FRRS1L: variants seen among roughly 807,000 people sequenced by gnomAD.
FRRS1L encodes DOMON domain-containing protein FRRS1L.
In FRRS1L, 22 loss-of-function variants were observed where a neutral mutation model predicts 28.6. The observed-to-expected ratio is 0.77, with a 90% confidence interval of 0.55 to 1.10. FRRS1L has a LOEUF of 1.10. FRRS1L is among the 50% of genes least tolerant of loss of function. The probability of loss-of-function intolerance (pLI) is 0.00; values close to 1 mark genes in which losing one functional copy is unlikely to be tolerated. For synonymous variants in FRRS1L, 158 were observed against 151.4 expected (o/e 1.04, Z -0.32); for missense variants, 380 against 386.9 (o/e 0.98, Z 0.15).
chr9:109,142,137 T>C (rs1393078056), intron 3 of FRRS1L, among the ~76,000 whole-genome samples: 1 of 152,178 alleles, frequency 6.6e-6, no homozygotes, highest in African/African-American at 2.4e-5. Flanking sequence ...ATATCAATGT[T>C]AAACTTCCTG....
At chr9:109,154,880 T>C (rs1831384426) in intron 1 of FRRS1L, among the ~76,000 whole-genome samples, 1 of 152,236 alleles carries the variant, frequency 6.6e-6, no homozygotes, top group Non-Finnish European at 1.5e-5. Flanking sequence ...AAGGTTCTCA[T>C]CTCAGTCCAT....
chr9:109,138,810 G>C (rs774469089), intron 4 of FRRS1L: 3 of 152,292 alleles, frequency 2.0e-5, no homozygotes, highest in Non-Finnish European at 4.4e-5. Flanking sequence ...TGCCTTCTTT[G>C]AGTGAAATCC....
chr9:109,152,532 T>C (rs1216403247), intron 1 of FRRS1L, among the ~76,000 whole-genome samples: 3 of 150,820 alleles, frequency 2.0e-5, no homozygotes, highest in East Asian at 2.0e-4. Context: ...CAGCTGGGCA[T>C]GGTGGCTCAC....
At position 109,141,485 on chromosome 9, in the gene FRRS1L, AG is replaced by A. The variant is rs1831184766; in HGVS notation, c.566del (p.Pro189LeufsTer22). ...GQWAKEIQRN[P>X]ARDEEGVFEN... Reference sequence around the variant, plus strand: ...CAAAAACTCCTTCTTCATCTCTGGCAGGGTTTCTCTGAATCTCCTTTGCCCA... The same window carrying A: ...CAAAAACTCCTTCTTCATCTCTGGCAGGTTTCTCTGAATCTCCTTTGCCCA... On this transcript the variant is annotated frameshift_variant, in exon 4 of 5. Transcript: ENST00000561981. LOFTEE classifies it high-confidence loss of function. 37 of 1,614,168 alleles carry A rather than the reference AG, an allele frequency of 2.3e-5. No homozygotes were observed. The highest frequency in any genetic ancestry group is 3.1e-5 in the Non-Finnish European group (36 of 1,180,028).
Position 109,133,571 on chromosome 9 carries a change from G to A in FRRS1L, c.*3884C>T, listed in dbSNP as rs1454186432. The A allele has an allele frequency of 6.6e-6, 1 of 152,228 alleles. No homozygotes were observed. The highest frequency in any genetic ancestry group is 2.4e-5 in the African/African-American group (1 of 41,462). 9.4% of individuals were successfully genotyped at this position (152,228 alleles called of 1,614,324 possible). A position where few individuals can be genotyped will look rare whatever the true frequency, so the allele number is the denominator to read the frequency against. ...CTTCAGCTGCACCTCTGTAAAATAA[G>A]AGCATTGGATTAAATGGTCTCTAAA... On this transcript the variant is annotated 3_prime_UTR_variant, in exon 5 of 5. Coordinates refer to ENST00000561981, the MANE Select transcript of FRRS1L (RefSeq NM_014334.4).
In FRRS1L at chr9:109,147,368, C is replaced by A; in HGVS notation, c.324-179G>T. On this transcript the variant is annotated intron_variant, in intron 2 of 4. Transcript: ENST00000561981. ...TAGGAGGAACCTTAGAGATGATCTG[C>A]CCCACTTTGTACACAAGAACTGCAG... 5.1e-6 allele frequency: 3 copies of A among 584,842 alleles called. No individual in the cohort carries two copies. In the South Asian group the frequency reaches 6.6e-5, roughly 13 times the overall value. The allele number at this position is 584,842 out of a possible 1,614,324, so 36.2% of individuals were successfully genotyped here.
intron 2 of FRRS1L, among the ~76,000 whole-genome samples, chr9:109,149,386 G>A (rs1203779710): frequency 6.6e-6 from 1 of 152,186 alleles, no homozygotes; most frequent in African/African-American, 2.4e-5. Context: ...GTGAGTAGGA[G>A]ACACCTGGAG....
chr9:109,141,997 C>T (rs1403453027), intron 3 of FRRS1L, among the ~76,000 whole-genome samples: 1 of 146,398 alleles, frequency 6.8e-6, no homozygotes, highest in Non-Finnish European at 1.5e-5. Context: ...TCAAAATATA[C>T]ATGACAACAA....
At chr9:109,162,867 G>C (rs887562139) in intron 1 of FRRS1L, among the ~76,000 whole-genome samples, 32 of 152,192 alleles carry the variant, frequency 2.1e-4, no homozygotes, top group African/African-American at 7.5e-4. Flanking sequence ...GAAAAATTGT[G>C]ATCAGAACTC....
intron 1 of FRRS1L, among the ~76,000 whole-genome samples, chr9:109,155,542 T>C (rs1010177666): frequency 1.3e-5 from 2 of 151,892 alleles, no homozygotes; most frequent in African/African-American, 2.4e-5. Flanking sequence ...GGTGAAACCC[T>C]GTTTCTACTA....
chr9:109,157,050 G>C (rs961173375), intron 1 of FRRS1L, among the ~76,000 whole-genome samples: 1 of 152,152 alleles, frequency 6.6e-6, no homozygotes, highest in Admixed American at 6.5e-5. Flanking sequence ...ATTCACGCCA[G>C]ATATTTTGAC....
chr9:109,156,546 G>A (rs765096743), intron 1 of FRRS1L, among the ~76,000 whole-genome samples: 5 of 151,878 alleles, frequency 3.3e-5, no homozygotes, highest in East Asian at 3.9e-4. Flanking sequence ...GGACCACCAC[G>A]CCCGGCTAAT....
intron 1 of FRRS1L, among the ~76,000 whole-genome samples, chr9:109,165,263 T>C (rs766204998): frequency 1.4e-4 from 22 of 152,354 alleles, no homozygotes; most frequent in Non-Finnish European, 2.4e-4. Context: ...GTAACTATGT[T>C]TTTGCCAAAG....
intron 3 of FRRS1L, among the ~76,000 whole-genome samples, chr9:109,142,853 T>C (rs1339284602): frequency 6.6e-6 from 1 of 151,456 alleles, no homozygotes; most frequent in Non-Finnish European, 1.5e-5. Flanking sequence ...AAAAATAAAA[T>C]GGTTAATTTT....
chr9:109,153,360 C>A (rs1001543204), intron 1 of FRRS1L, among the ~76,000 whole-genome samples: 2 of 152,094 alleles, frequency 1.3e-5, no homozygotes, highest in African/African-American at 4.8e-5. Flanking sequence ...TAGTGAGACC[C>A]CAATAAAAAC....
chr9:109,145,771 G>C (rs190750869), intron 3 of FRRS1L, among the ~76,000 whole-genome samples: 22 of 152,166 alleles, frequency 1.4e-4, no homozygotes, highest in Admixed American at 7.2e-4. Flanking sequence ...TTGCTGAACA[G>C]ATGGAGGTGC....
rs1238643085 is a variant in FRRS1L at position 109,137,487 on chromosome 9, G to A, written c.850C>T (p.Leu284=). 1 of 1,612,606 alleles carries A rather than the reference G, an allele frequency of 6.2e-7. No individual in the cohort carries two copies. The highest frequency in any genetic ancestry group is 1.1e-5 in the South Asian group (1 of 90,832). ...SPFCLLLIVA[L]TFYLLMGTP ...GTTCCCATCAATAGGTAGAAGGTCA[G>A]AGCAACAATCAGAAGCAAACAAAAT... Residue 284 remains leucine (L), a synonymous_variant, in exon 5 of 5, where the codon CTG becomes TTG. Coordinates refer to ENST00000561981, the MANE Select transcript of FRRS1L (RefSeq NM_014334.4).
chr9:109,144,905 G>A (rs562507875), intron 3 of FRRS1L, among the ~76,000 whole-genome samples: 192 of 152,174 alleles, frequency 1.3e-3, no homozygotes, highest in Admixed American at 2.5e-3. Context: ...GGCTGTTCTC[G>A]AACTCCTGAC....
intron 1 of FRRS1L, among the ~76,000 whole-genome samples, chr9:109,157,883 T>C (rs944169072): frequency 5.3e-5 from 8 of 152,246 alleles, no homozygotes; most frequent in African/African-American, 1.9e-4. Context: ...TTTCTTATGG[T>C]TCATCTTTGC....
Sources: gnomAD v4.1 joint callset for allele counts (sites outside exome capture counted in the v4.1 genomes callset) on GRCh38, gnomAD v4.1.1 for gene constraint, MANE v1.5 for transcripts, NCBI Gene and HGNC (gene_info 2026-07-23, HGNC 2026-07-21) for gene names.